Variants in TRA2B observed in about 807,000 individuals in gnomAD.
TRA2B encodes transformer-2 protein homolog beta.
A neutral mutation model predicts 41.7 loss-of-function variants in TRA2B; 14 were observed. That is an observed-to-expected ratio of 0.34 (90% CI 0.22 to 0.53). TRA2B has a LOEUF of 0.53. Ranked by LOEUF, TRA2B falls within the 20% of genes least tolerant of loss-of-function variation. The pLI is 0.95. For missense variants in TRA2B, 167 were observed against 396.8 expected (o/e 0.42, Z 4.92); for synonymous variants, 130 against 128.8 (o/e 1.01, Z -0.06).
At chr3:185,922,718 A>G (rs1351104504) in intron 4 of TRA2B, 1 of 152,244 alleles carries the variant, frequency 6.6e-6, no homozygotes, top group Non-Finnish European at 1.5e-5. Context: ...AGCCTTAAGT[A>G]CATATAGTTC....
Position 185,918,386 on chromosome 3 carries a change from T to G in TRA2B, c.835A>C (p.Arg279=), listed in dbSNP as rs751971160. ...YSRGGYRSRS[R]SRSYSPRRY is the part of the protein sequence containing the mutation. ...TTACGAGGTGAGTATGATCGAGATC[T>G]GGAACGTGATCTGTATCCTCCACGA... is the stretch of plus-strand genomic sequence containing the variant. Residue 279 remains arginine (R), a synonymous_variant, in exon 8 of 9, where the codon AGA becomes CGA. Coordinates refer to ENST00000453386, the MANE Select transcript of TRA2B (RefSeq NM_004593.3). The G allele has an allele frequency of 2.5e-6, 4 of 1,613,738 alleles. No individual in the cohort carries two copies. The highest frequency in any genetic ancestry group is 3.4e-6 in the Non-Finnish European group (4 of 1,179,754).
At chr3:185,935,083 G>A in intron 1 of TRA2B, 2 of 985,224 alleles carry the variant, frequency 2.0e-6, no homozygotes, top group Non-Finnish European at 2.4e-6. Context: ...GACCATTATT[G>A]GGCTCTAAAG....
chr3:185,929,953 C>T (rs759712837), intron 1 of TRA2B, among the ~76,000 whole-genome samples: 2 of 152,028 alleles, frequency 1.3e-5, no homozygotes, highest in Non-Finnish European at 2.9e-5. Context: ...CTGATTAAGG[C>T]AGTCTTTCAC....
chr3:185,917,713 C>G lies in TRA2B; in HGVS notation c.*2G>C. ...GGGCAGGTTTCAGAAAGTCTTCATG[C>G]TTTAATAGCGACCTGGGAAGAAAAG... On this transcript the variant is annotated 3_prime_UTR_variant, in exon 9 of 9. Transcript: ENST00000453386. 1.2e-6 allele frequency: 2 copies of G among 1,613,366 alleles called. No homozygotes were observed. The highest frequency in any genetic ancestry group is 1.7e-6 in the Non-Finnish European group (2 of 1,179,558).
intron 1 of TRA2B, chr3:185,934,548 G>A: frequency 1.0e-6 from 1 of 985,386 alleles, no homozygotes; most frequent in South Asian, 4.7e-5. Flanking sequence ...CGGGTTTCAA[G>A]AGACTGATAA....
intron 1 of TRA2B, chr3:185,935,012 G>A (rs577382422): frequency 1.0e-6 from 1 of 985,356 alleles, no homozygotes; most frequent in African/African-American, 1.7e-5. Context: ...ATATTGAGAG[G>A]CTCAGAACAT....
intron 1 of TRA2B, 74 bp downstream of exon 1, chr3:185,937,751 C>T (rs1578492119): frequency 1.9e-6 from 3 of 1,606,026 alleles, no homozygotes; most frequent in African/African-American, 1.3e-5. Flanking sequence ...CCTCCTGGCC[C>T]GAGGCCGACG....
At chr3:185,934,467 C>T (rs1248680755) in intron 1 of TRA2B, 1 of 985,392 alleles carries the variant, frequency 1.0e-6, no homozygotes, top group Non-Finnish European at 1.2e-6. Flanking sequence ...GAAAATGTCA[C>T]GTTCTAGTTC....
At chr3:185,935,549 C>G (rs910129381) in intron 1 of TRA2B, 57 of 985,254 alleles carry the variant, frequency 5.8e-5, no homozygotes, top group Non-Finnish European at 6.4e-5. Flanking sequence ...GTGGGGTTGT[C>G]TGGATTAGAG....
At chr3:185,936,269 C>G (rs774451990) in intron 1 of TRA2B, 1 of 985,264 alleles carries the variant, frequency 1.0e-6, no homozygotes, top group Non-Finnish European at 1.2e-6. Context: ...ACTGTTATAA[C>G]AGATTCAACT....
In TRA2B at chr3:185,923,596, T is replaced by C. The variant is rs1578476452; in HGVS notation, c.522+200A>G. The C allele has an allele frequency of 1.6e-5, 7 of 433,006 alleles. 1 individual carries two copies. The South Asian group carries it at 3.7e-4, about 23-fold the overall frequency. The allele number at this position is 433,006 out of a possible 1,614,324, so 26.8% of individuals were successfully genotyped here. On this transcript the variant is annotated intron_variant, in intron 4 of 8. Coordinates refer to ENST00000453386, the MANE Select transcript of TRA2B (RefSeq NM_004593.3). Reference sequence around the variant, plus strand: ...GTTGACCCCAATAGGTGGCAACTAATAAAGCAGGTGGTAGGACCAACTTCC... The same window carrying C: ...GTTGACCCCAATAGGTGGCAACTAACAAAGCAGGTGGTAGGACCAACTTCC...
At chr3:185,923,380 C>A (rs1215767118) in intron 4 of TRA2B, 1 of 153,826 alleles carries the variant, frequency 6.5e-6, no homozygotes, top group Non-Finnish European at 1.4e-5. Flanking sequence ...TGGGGTCTAG[C>A]CCCACATTTC....
chr3:185,928,870 C>A (rs919557858), intron 1 of TRA2B: 1 of 152,180 alleles, frequency 6.6e-6, no homozygotes, highest in African/African-American at 2.4e-5. Flanking sequence ...CTGGCTTTAA[C>A]AGAAAAACCT....
At chr3:185,934,509 G>A (rs1578487992) in intron 1 of TRA2B, 1 of 985,280 alleles carries the variant, frequency 1.0e-6, no homozygotes. Flanking sequence ...AAGCATTCTT[G>A]TTTAAAACCA....
chr3:185,923,126 T>A (rs1022262451), intron 4 of TRA2B: 1 of 152,138 alleles, frequency 6.6e-6, no homozygotes, highest in African/African-American at 2.4e-5. Flanking sequence ...CTACTAAAAA[T>A]ACAAAATTAG....
intron 6 of TRA2B, among the ~76,000 whole-genome samples, chr3:185,920,175 C>A (rs1743664208): frequency 6.6e-6 from 1 of 152,182 alleles, no homozygotes; most frequent in African/African-American, 2.4e-5. Flanking sequence ...AAATTAACAT[C>A]TTTAAAATTA....
chr3:185,925,728 A>C, intron 2 of TRA2B, 102 bp from the exon 3 acceptor site: 3 of 1,177,690 alleles, frequency 2.5e-6, no homozygotes, highest in Non-Finnish European at 3.4e-6. Flanking sequence ...CAATCCAGGA[A>C]TATGCTAACA....
chr3:185,927,703 C>T (rs1744005030), intron 1 of TRA2B: 1 of 152,050 alleles, frequency 6.6e-6, no homozygotes, highest in Admixed American at 6.5e-5. Flanking sequence ...TGAAAAATAG[C>T]AAAGGAATGG....
At chr3:185,932,360 T>C (rs550198206) in intron 1 of TRA2B, among the ~76,000 whole-genome samples, 35 of 152,294 alleles carry the variant, frequency 2.3e-4, no homozygotes, top group Admixed American at 1.8e-3. Flanking sequence ...ATTTTTGTAC[T>C]GTATTTAAAG....
Sources: gnomAD v4.1 joint callset for allele counts (sites outside exome capture counted in the v4.1 genomes callset) on GRCh38, gnomAD v4.1.1 for gene constraint, MANE v1.5 for transcripts, NCBI Gene and HGNC (gene_info 2026-07-23, HGNC 2026-07-21) for gene names.